The following RPA1 variants were observed in gnomAD, a reference collection of about 807,000 sequenced individuals.
RPA1 encodes the protein replication protein A1.
In RPA1, 49 loss-of-function variants were observed where a neutral mutation model predicts 83.0. That is an observed-to-expected ratio of 0.59 (90% CI 0.47 to 0.75). The LOEUF (loss-of-function observed/expected upper bound fraction) is 0.75, where lower values mean the gene tolerates loss of function less well. Among genes scored for constraint, RPA1 ranks in the 30% least tolerant of loss-of-function variants. RPA1 has a pLI of 0.00. For missense variants in RPA1, 693 were observed against 776.1 expected (o/e 0.89, Z 1.27); for synonymous variants, 279 against 281.8 (o/e 0.99, Z 0.10).
intron 1 of RPA1, among the ~76,000 whole-genome samples, chr17:1,839,863 C>T (rs1314816136): frequency 7.1e-6 from 1 of 140,360 alleles, no homozygotes; most frequent in Non-Finnish European, 1.5e-5. Context: ...TGCCATCTCA[C>T]CTTACTGCAG....
At chr17:1,869,359 A>C (rs1302324294) in intron 5 of RPA1, among the ~76,000 whole-genome samples, 1 of 152,172 alleles carries the variant, frequency 6.6e-6, no homozygotes, top group Non-Finnish European at 1.5e-5. Context: ...CAACATGGTG[A>C]AACCCTGTCT....
chr17:1,868,808 T>C (rs1273887217), intron 5 of RPA1, among the ~76,000 whole-genome samples: 1 of 152,264 alleles, frequency 6.6e-6, no homozygotes, highest in Non-Finnish European at 1.5e-5. Flanking sequence ...ACTTCAGACA[T>C]AATTCGTGCT....
intron 4 of RPA1, among the ~76,000 whole-genome samples, chr17:1,846,705 A>G (rs989824216): frequency 6.6e-6 from 1 of 152,012 alleles, no homozygotes; most frequent in African/African-American, 2.4e-5. Flanking sequence ...TCTGTGTGTT[A>G]TTCCTTAATG....
At chr17:1,839,447 T>A (rs1911956307) in intron 1 of RPA1, among the ~76,000 whole-genome samples, 2 of 151,890 alleles carry the variant, frequency 1.3e-5, no homozygotes, top group Admixed American at 1.3e-4. Context: ...TACCTCAGCC[T>A]CCTGAATAGC....
At chr17:1,855,833 T>C (rs537449038) in intron 5 of RPA1, among the ~76,000 whole-genome samples, 1 of 151,016 alleles carries the variant, frequency 6.6e-6, no homozygotes, top group Non-Finnish European at 1.5e-5. Flanking sequence ...TTTTTTTTAA[T>C]GGAAAAGTCT....
In RPA1 at chr17:1,884,230, TATA is replaced by T. The variant is rs2151289197; in HGVS notation, c.1374+290_1374+292del. On this transcript the variant is annotated intron_variant, in intron 13 of 16. Coordinates refer to ENST00000254719, the MANE Select transcript of RPA1 (RefSeq NM_002945.5). The surrounding 1 kb of genome is among the most constrained non-coding windows in gnomAD (Gnocchi z 4.1). ...CAGGGGTGACAGTCAAGCTTTGTGG[TATA>T]ATATCACCTGCTTTCGGGTCCACGT... 6.6e-6 allele frequency among the ~76,000 whole-genome samples: 1 copy of T among 152,312 alleles called. No individual in the cohort carries two copies. The highest frequency in any genetic ancestry group is 1.9e-4 in the East Asian group (1 of 5,190).
At chr17:1,878,473 G>T (rs549325544) in intron 8 of RPA1, among the ~76,000 whole-genome samples, 1 of 151,980 alleles carries the variant, frequency 6.6e-6, no homozygotes, top group African/African-American at 2.4e-5. Context: ...GTAAATTTTG[G>T]CTGACAGAAA....
chr17:1,897,307 C>A lies in RPA1; in HGVS notation c.*132C>A. On this transcript the variant is annotated 3_prime_UTR_variant, in exon 17 of 17. Transcript: ENST00000254719. ...TTGATGGTGGACTAAGCAATTTCCC[C>A]CCTCGTGCGCATCTCAGAACCCATC... The A allele has an allele frequency of 1.5e-6, 1 of 663,366 alleles. No individual in the cohort carries two copies. The highest frequency in any genetic ancestry group is 2.6e-6 in the Non-Finnish European group (1 of 386,332). The allele number at this position is 663,366 out of a possible 1,614,324, so 41.1% of individuals were successfully genotyped here.
intron 14 of RPA1, chr17:1,891,601 G>A (rs923477100): frequency 2.7e-5 from 7 of 256,978 alleles, no homozygotes; most frequent in Middle Eastern, 1.2e-3. Context: ...TGTATTTTTC[G>A]TAGAGACGGA....
intron 5 of RPA1, among the ~76,000 whole-genome samples, chr17:1,857,101 A>G (rs976935163): frequency 6.6e-6 from 1 of 152,040 alleles, no homozygotes; most frequent in African/African-American, 2.4e-5. Flanking sequence ...GCCCTTAGCT[A>G]CTGCTTTAAA....
At chr17:1,875,192 G>A (rs146910228) in intron 6 of RPA1, among the ~76,000 whole-genome samples, 1 of 152,360 alleles carries the variant, frequency 6.6e-6, no homozygotes, top group East Asian at 1.9e-4. Flanking sequence ...AGATCTGGGA[G>A]TTGTCTGGGG....
rs547306847 is a variant in RPA1 at position 1,884,569 on chromosome 17, C to T, written c.1374+625C>T. On this transcript the variant is annotated intron_variant, in intron 13 of 16. Coordinates refer to ENST00000254719, the MANE Select transcript of RPA1 (RefSeq NM_002945.5). The surrounding 1 kb of genome is among the most constrained non-coding windows in gnomAD (Gnocchi z 4.1). ...ATTTAGATCATTTATTTCTCCTTTACGCCTGCTCTTTTATTTTCATCATAT... is the reference window on the plus strand; with the variant it reads ...ATTTAGATCATTTATTTCTCCTTTATGCCTGCTCTTTTATTTTCATCATAT... 9.2e-5 allele frequency among the ~76,000 whole-genome samples: 14 copies of T among 152,304 alleles called. No homozygotes were observed. Among genetic ancestry groups the T allele is most frequent in the South Asian group, 4.1e-4 (2 of 4,830 alleles).
chr17:1,895,761 C>T (rs1042214531), intron 16 of RPA1, among the ~76,000 whole-genome samples: 6 of 151,904 alleles, frequency 3.9e-5, no homozygotes, highest in African/African-American at 1.5e-4. Context: ...TGGCTCACCA[C>T]AACCTCCGCC....
chr17:1,869,246 T>C (rs1216396254), intron 5 of RPA1, among the ~76,000 whole-genome samples: 2 of 152,162 alleles, frequency 1.3e-5, no homozygotes, highest in African/African-American at 2.4e-5. Context: ...CTCTGAAATA[T>C]CCTGTTTCGG....
In RPA1 at chr17:1,886,887, T is replaced by G. The variant is rs146919829; in HGVS notation, c.1375-1788T>G. 1.8e-3 allele frequency among the ~76,000 whole-genome samples: 268 copies of G among 152,158 alleles called. 4 individuals are homozygous for G. The East Asian group carries it at 0.045, about 25-fold the overall frequency. Reference sequence around the variant, plus strand: ...TGTTGCCTGGCTGGTATCGAACTCCTTGGCTTAGGCAATCATGTTGCCTCT... The same window carrying G: ...TGTTGCCTGGCTGGTATCGAACTCCGTGGCTTAGGCAATCATGTTGCCTCT... On this transcript the variant is annotated intron_variant, in intron 13 of 16. Transcript: ENST00000254719.
chr17:1,895,714 T>G (rs1914391302), intron 16 of RPA1, among the ~76,000 whole-genome samples: 1 of 149,256 alleles, frequency 6.7e-6, no homozygotes, highest in Non-Finnish European at 1.5e-5. Context: ...TGAGACAGAG[T>G]CTCTGTCACC....
chr17:1,868,494 G>A (rs769679677), intron 5 of RPA1, among the ~76,000 whole-genome samples: 1 of 152,190 alleles, frequency 6.6e-6, no homozygotes, highest in Non-Finnish European at 1.5e-5. Flanking sequence ...GTCTTGGCGG[G>A]GCACGGTGGC....
At chr17:1,849,618 G>T (rs539377252) in intron 4 of RPA1, among the ~76,000 whole-genome samples, 2,209 of 136,444 alleles carry the variant, frequency 0.016, 25 homozygotes, top group Middle Eastern at 0.083. Context: ...TTGTCATTTT[G>T]TTTTTTTTTT....
At chr17:1,831,597 G>A (rs1041904731) in intron 1 of RPA1, among the ~76,000 whole-genome samples, 2 of 148,936 alleles carry the variant, frequency 1.3e-5, no homozygotes, top group Non-Finnish European at 3.0e-5. Flanking sequence ...TGGGGCCTTT[G>A]AACTTTTTTT....
Sources: allele counts gnomAD v4.1 joint callset (sites outside exome capture counted in the v4.1 genomes callset), GRCh38; gene constraint gnomAD v4.1.1; non-coding constraint Gnocchi (gnomAD v3.1); transcripts MANE v1.5; gene names NCBI Gene and HGNC (gene_info 2026-07-23, HGNC 2026-07-21).